The following PCDH15 variants were observed in gnomAD, a reference collection of about 807,000 sequenced individuals.
The protein encoded by PCDH15 is protocadherin-15.
A neutral mutation model predicts 178.5 loss-of-function variants in PCDH15; 129 were observed. That is an observed-to-expected ratio of 0.72 (90% confidence interval 0.63 to 0.84). The LOEUF (loss-of-function observed/expected upper bound fraction) is 0.84. PCDH15 is among the 40% of genes least tolerant of loss of function. The pLI, the probability that PCDH15 is intolerant of heterozygous loss-of-function variation, is 0.00. For missense variants in PCDH15, 2,230 were observed against 2,099.9 expected, an observed-to-expected ratio of 1.06 and a Z score of -1.21; for synonymous variants, 800 against 732.0, an observed-to-expected ratio of 1.09 and a Z score of -1.50.
At chr10:53,944,912 A>G (rs1251938944) in intron 23 of PCDH15, among the ~76,000 whole-genome samples, 1 of 152,216 alleles carries the variant, frequency 6.6e-6, no homozygotes, top group Non-Finnish European at 1.5e-5. Flanking sequence ...ATGTCCTTGC[A>G]TATCCATGAT....
intron 29 of PCDH15, among the ~76,000 whole-genome samples, chr10:53,835,830 G>A (rs1458820070): frequency 6.6e-6 from 1 of 152,290 alleles, no homozygotes; most frequent in South Asian, 2.1e-4. Flanking sequence ...AACACAAGGG[G>A]AGTCTCCCCT....
intron 2 of PCDH15, among the ~76,000 whole-genome samples, chr10:55,145,482 C>T (rs1387579464): frequency 4.0e-5 from 6 of 151,868 alleles, no homozygotes; most frequent in Non-Finnish European, 8.8e-5. Context: ...CATATTAGCC[C>T]TCAAAGCATG....
chr10:54,194,254 A>C (rs775869947), intron 11 of PCDH15, among the ~76,000 whole-genome samples: 1 of 152,132 alleles, frequency 6.6e-6, no homozygotes, highest in African/African-American at 2.4e-5. Context: ...AGTGATTATA[A>C]AGCTATGTGT....
At chr10:54,096,813 A>C (rs1183533808) in intron 15 of PCDH15, among the ~76,000 whole-genome samples, 1 of 152,204 alleles carries the variant, frequency 6.6e-6, no homozygotes, top group Non-Finnish European at 1.5e-5. Context: ...TTGGGGGAAC[A>C]CAAACATTCA....
rs1841051257 is a variant in PCDH15 at position 53,804,776 on chromosome 10, A to G, written c.*1803T>C. ...TAAAAACCATTGCTTTGGTGCCTGA[A>G]GGAATAAGCCCCGGACTTCATTGCT... On this transcript the variant is annotated 3_prime_UTR_variant, in exon 38 of 38. Transcript: ENST00000644397. 1 of 152,010 alleles carries G rather than the reference A, an allele frequency of 6.6e-6. No individual in the cohort carries two copies. Among genetic ancestry groups the G allele is most frequent in the South Asian group, 2.1e-4 (1 of 4,822 alleles). 9.4% of individuals were successfully genotyped at this position (152,010 alleles called of 1,614,324 possible).
At chr10:54,765,335 A>C (rs11004557) in intron 1 of PCDH15, among the ~76,000 whole-genome samples, 32,341 of 152,096 alleles carry the variant, frequency 0.21, 3,960 homozygotes, top group East Asian at 0.48. Flanking sequence ...GGAATAAATT[A>C]CATGCGCTAT....
At chr10:55,314,143 C>T (rs1011676351) in intron 1 of PCDH15, among the ~76,000 whole-genome samples, 2 of 148,778 alleles carry the variant, frequency 1.3e-5, no homozygotes, top group African/African-American at 4.9e-5. Context: ...TCTATGTAGA[C>T]ATCATTTATA....
chr10:54,456,661 G>A (rs2076842820), intron 3 of PCDH15, among the ~76,000 whole-genome samples: 1 of 152,162 alleles, frequency 6.6e-6, no homozygotes, highest in African/African-American at 2.4e-5. Flanking sequence ...GTGAGTACGT[G>A]AGATTTGGGA....
chr10:54,950,486 G>C (rs995220099), intron 2 of PCDH15, among the ~76,000 whole-genome samples: 8 of 152,002 alleles, frequency 5.3e-5, no homozygotes, highest in Non-Finnish European at 8.8e-5. Flanking sequence ...TTTGCCTGCT[G>C]CCATCCACGT....
At chr10:54,574,372 T>A (rs2090217383) in intron 2 of PCDH15, among the ~76,000 whole-genome samples, 1 of 151,304 alleles carries the variant, frequency 6.6e-6, no homozygotes, top group African/African-American at 2.4e-5. Flanking sequence ...TCTGTTCTGT[T>A]CCATTGATCT....
chr10:55,155,257 C>T (rs1838850834), intron 2 of PCDH15, among the ~76,000 whole-genome samples: 1 of 151,868 alleles, frequency 6.6e-6, no homozygotes, highest in Admixed American at 6.6e-5. Flanking sequence ...ATTGTAATTA[C>T]AGGTTTTTCT....
At position 53,896,901 on chromosome 10, in the gene PCDH15, C is replaced by G. The variant is rs574100883; in HGVS notation, c.3501+6342G>C. Among the ~76,000 whole-genome samples, 3 of 152,224 alleles carry G rather than the reference C, an allele frequency of 2.0e-5. No individual in the cohort carries two copies. In the South Asian group the frequency reaches 6.2e-4, roughly 32 times the overall value. On this transcript the variant is annotated intron_variant, in intron 26 of 37. Coordinates refer to ENST00000644397, the MANE Select transcript of PCDH15 (RefSeq NM_001384140.1). ...CAGAAAAACAAGATCAGGGCTTCCA[C>G]TGATTCTACATTATGGCGAGTTTTA...
intron 2 of PCDH15, among the ~76,000 whole-genome samples, chr10:54,921,684 A>T: frequency 6.6e-6 from 1 of 152,198 alleles, no homozygotes; most frequent in East Asian, 1.9e-4. Context: ...ATGGCTGCAT[A>T]GTATTCCATA....
rs1434933661 is a variant in PCDH15 at position 54,729,525 on chromosome 10, A to G, written c.-28-65235T>C. The stretch of plus-strand genomic sequence containing the variant: ...TTTTATGACTACGACTACAAAAGCA[A>G]TTGCAATAAAAACAAAAATTGACAA... On this transcript the variant is annotated intron_variant, in intron 1 of 37. Coordinates refer to ENST00000644397, the MANE Select transcript of PCDH15 (RefSeq NM_001384140.1). 1.3e-5 allele frequency among the ~76,000 whole-genome samples: 2 copies of G among 151,750 alleles called. 1 individual carries two copies. The highest frequency in any genetic ancestry group is 3.0e-5 in the Non-Finnish European group (2 of 67,788).
chr10:54,561,391 T>C (rs558331554), intron 2 of PCDH15, among the ~76,000 whole-genome samples: 2 of 152,254 alleles, frequency 1.3e-5, no homozygotes, highest in South Asian at 2.1e-4. Flanking sequence ...ATATGTAATA[T>C]CTATCAATAA....
At chr10:55,357,750 G>A (rs1845116080) in intron 2 of PCDH15, among the ~76,000 whole-genome samples, 1 of 151,956 alleles carries the variant, frequency 6.6e-6, no homozygotes. Context: ...AGCCTATAGA[G>A]ATTGTAAGAA....
At chr10:54,626,312 G>A (rs74837159) in intron 2 of PCDH15, among the ~76,000 whole-genome samples, 4,561 of 152,200 alleles carry the variant, frequency 0.03, 214 homozygotes, top group African/African-American at 0.099. Context: ...TAGGGGAAAT[G>A]TCTCCAGGGC....
intron 3 of PCDH15, among the ~76,000 whole-genome samples, chr10:54,410,657 A>C (rs1953353998): frequency 1.3e-5 from 2 of 152,164 alleles, no homozygotes; most frequent in South Asian, 4.1e-4. Flanking sequence ...CGTTTTGATG[A>C]AACTCACAAT....
At chr10:54,595,786 G>A (rs2092202656) in intron 2 of PCDH15, among the ~76,000 whole-genome samples, 1 of 152,016 alleles carries the variant, frequency 6.6e-6, no homozygotes, top group Non-Finnish European at 1.5e-5. Flanking sequence ...TAAATGACAG[G>A]ATAGAGCTGA....
Sources: gnomAD v4.1 joint callset for allele counts (sites outside exome capture counted in the v4.1 genomes callset) on GRCh38, gnomAD v4.1.1 for gene constraint, MANE v1.5 for transcripts, NCBI Gene and HGNC (gene_info 2026-07-23, HGNC 2026-07-21) for gene names.